TBC1D19: variants seen among roughly 807,000 people sequenced by gnomAD.
The protein encoded by TBC1D19 is TBC1 domain family, member 19.
TBC1D19 carries 60 observed loss-of-function variants against 89.0 expected under a neutral mutation model. That is an observed-to-expected ratio of 0.67 (90% CI 0.55 to 0.84). TBC1D19 has a LOEUF of 0.84. TBC1D19 is among the 40% of genes least tolerant of loss of function. TBC1D19 has a pLI of 0.00. For synonymous variants in TBC1D19, 189 were observed against 199.7 expected (o/e 0.95, Z 0.45); for missense variants, 500 against 610.8 (o/e 0.82, Z 1.91).
intron 16 of TBC1D19, among the ~76,000 whole-genome samples, chr4:26,735,784 T>C (rs1718007948): frequency 6.6e-6 from 1 of 152,188 alleles, no homozygotes; most frequent in Non-Finnish European, 1.5e-5. Context: ...CTCACGCTTG[T>C]AATCTCAGCA....
the TBC1D19 span, among the ~76,000 whole-genome samples, chr4:26,775,597 C>G: frequency 2.0e-5 from 3 of 152,106 alleles, no homozygotes; most frequent in African/African-American, 7.2e-5. Flanking sequence ...TGCCCTTCCA[C>G]CATCAGATGA....
chr4:26,627,496 A>C (rs914834226), intron 4 of TBC1D19, among the ~76,000 whole-genome samples: 60 of 152,286 alleles, frequency 3.9e-4, no homozygotes, highest in Middle Eastern at 3.4e-3. Flanking sequence ...ACTAGTTTAC[A>C]GTCCCACCAA....
chr4:26,815,517 T>G, the TBC1D19 span, among the ~76,000 whole-genome samples: 1 of 152,240 alleles, frequency 6.6e-6, no homozygotes, highest in Non-Finnish European at 1.5e-5. Flanking sequence ...ATTTCACATG[T>G]AAATAACTGA....
chr4:26,762,209 T>C, the TBC1D19 span, among the ~76,000 whole-genome samples: 1 of 152,104 alleles, frequency 6.6e-6, no homozygotes, highest in African/African-American at 2.4e-5. Context: ...AATACTGACA[T>C]ACAGAGAAGA....
chr4:26,758,277 G>A (rs1719341843), downstream of TBC1D19, among the ~76,000 whole-genome samples: 1 of 152,142 alleles, frequency 6.6e-6, no homozygotes. Context: ...TCCTAAATGT[G>A]GAAGATGCAA....
At chr4:26,774,171 T>C in the TBC1D19 span, among the ~76,000 whole-genome samples, 1 of 152,248 alleles carries the variant, frequency 6.6e-6, no homozygotes, top group Admixed American at 6.5e-5. Context: ...CTGATCCACC[T>C]GATCCTCAAC....
At chr4:26,851,710 C>T in the TBC1D19 span, among the ~76,000 whole-genome samples, 3 of 152,024 alleles carry the variant, frequency 2.0e-5, no homozygotes, top group African/African-American at 7.2e-5. Context: ...GTGAGAAGTA[C>T]GAGTTCTTTT....
chr4:26,643,178 T>C (rs966351512), intron 7 of TBC1D19, among the ~76,000 whole-genome samples: 6 of 152,178 alleles, frequency 3.9e-5, no homozygotes, highest in South Asian at 2.1e-4. Context: ...TAGTTGGAAG[T>C]AAAGCACTCC....
chr4:26,604,956 A>C (rs1230938565), intron 1 of TBC1D19, among the ~76,000 whole-genome samples: 1 of 151,960 alleles, frequency 6.6e-6, no homozygotes, highest in Non-Finnish European at 1.5e-5. Context: ...GTCTGTTTTC[A>C]TTTCTTTGGC....
chr4:26,578,435 G>T (rs1739013282), intron 1 of TBC1D19, among the ~76,000 whole-genome samples: 1 of 152,162 alleles, frequency 6.6e-6, no homozygotes, highest in Non-Finnish European at 1.5e-5. Context: ...TGTAGATATT[G>T]CTAGGCCTTC....
intron 7 of TBC1D19, among the ~76,000 whole-genome samples, chr4:26,657,383 A>G (rs894562458): frequency 2.6e-5 from 4 of 151,928 alleles, no homozygotes; most frequent in Non-Finnish European, 5.9e-5. Context: ...ATGGTTTCCA[A>G]CTTCATCCAT....
At chr4:26,850,540 C>CAAAAAAAAA in the TBC1D19 span, among the ~76,000 whole-genome samples, 3,326 of 89,954 alleles carry the variant, frequency 0.037, 279 homozygotes, top group African/African-American at 0.058. Context: ...GACCCTGTCT[C>CAAAAAAAAA]AAAAAAAAAA....
intron 1 of TBC1D19, among the ~76,000 whole-genome samples, chr4:26,602,435 C>CTTTTTTTT (rs34004440): frequency 1.6e-4 from 12 of 73,034 alleles, no homozygotes; most frequent in Admixed American, 2.0e-4. Context: ...CTATTGTATT[C>CTTTTTTTT]TTTTTTTTTT....
chr4:26,803,753 G>A, the TBC1D19 span, among the ~76,000 whole-genome samples: 1 of 152,192 alleles, frequency 6.6e-6, no homozygotes, highest in East Asian at 1.9e-4. Context: ...CTGTTCCTGG[G>A]TGGCTCCTGG....
chr4:26,700,100 C>A lies in TBC1D19; in HGVS notation c.954+11693C>A, dbSNP rs542364474. On this transcript the variant is annotated intron_variant, in intron 13 of 20. Transcript: ENST00000264866. The stretch of plus-strand genomic sequence containing the variant: ...AGAACAAAGAAAATAACAAACAGAG[C>A]CTCAGGGAAGTTTAGGACAACATGC... Among the ~76,000 whole-genome samples the A allele has an allele frequency of 4.6e-5, 7 of 151,550 alleles. No homozygotes were observed. In the East Asian group the frequency reaches 1.4e-3, roughly 29 times the overall value.
At chr4:26,823,499 C>G in the TBC1D19 span, among the ~76,000 whole-genome samples, 2 of 152,146 alleles carry the variant, frequency 1.3e-5, no homozygotes, top group Non-Finnish European at 2.9e-5. Flanking sequence ...CCAGACCACA[C>G]CTAGAGTGAA....
At chr4:26,750,272 T>C (rs1440691313) in intron 19 of TBC1D19, among the ~76,000 whole-genome samples, 1 of 152,236 alleles carries the variant, frequency 6.6e-6, no homozygotes, top group Non-Finnish European at 1.5e-5. Flanking sequence ...TAACCAAATG[T>C]CTGTCCTCTG....
At chr4:26,770,552 T>A in the TBC1D19 span, among the ~76,000 whole-genome samples, 3 of 152,054 alleles carry the variant, frequency 2.0e-5, no homozygotes, top group African/African-American at 7.2e-5. Flanking sequence ...CAATAATTGA[T>A]AAAGGGGTGT....
chr4:26,806,190 C>T, the TBC1D19 span, among the ~76,000 whole-genome samples: 3 of 152,156 alleles, frequency 2.0e-5, no homozygotes, highest in Non-Finnish European at 4.4e-5. Flanking sequence ...CCCATCCGCC[C>T]TCCAGCCTTC....
Sources: allele counts gnomAD v4.1 joint callset (sites outside exome capture counted in the v4.1 genomes callset), GRCh38; gene constraint gnomAD v4.1.1; transcripts MANE v1.5; gene names NCBI Gene and HGNC (gene_info 2026-07-23, HGNC 2026-07-21).